XIRP2: variants seen among roughly 807,000 people sequenced by gnomAD.
XIRP2 encodes xin actin binding repeat containing 2.
In XIRP2, 236 loss-of-function variants were observed where a neutral mutation model predicts 277.0. The ratio of observed to expected loss-of-function variants is 0.85; its 90% CI spans 0.77 to 0.95. The LOEUF is 0.95. Among genes scored for constraint, XIRP2 ranks in the 40% least tolerant of loss-of-function variants. XIRP2 has a pLI of 0.00. For synonymous variants in XIRP2, 1,490 were observed against 1,416.5 expected (o/e 1.05, Z -1.17); for missense variants, 4,640 against 4,157.5 (o/e 1.12, Z -3.19).
intron 1 of XIRP2, among the ~76,000 whole-genome samples, chr2:166,899,569 T>C (rs1169603268): frequency 3.3e-5 from 5 of 152,126 alleles, no homozygotes; most frequent in Non-Finnish European, 7.4e-5. Flanking sequence ...AACAAATTAT[T>C]CTTAGTTTTC....
intron 4 of XIRP2, among the ~76,000 whole-genome samples, chr2:167,214,845 G>A (rs1694197422): frequency 6.6e-6 from 1 of 152,066 alleles, no homozygotes. Context: ...AGGATTACAG[G>A]CATGAGACAC....
chr2:166,893,441 G>T (rs141058926), intron 1 of XIRP2, among the ~76,000 whole-genome samples: 2 of 151,944 alleles, frequency 1.3e-5, no homozygotes, highest in Non-Finnish European at 2.9e-5. Context: ...TCCTTTCTGC[G>T]TATCTCTTTA....
intron 5 of XIRP2, among the ~76,000 whole-genome samples, chr2:167,221,397 T>A (rs1033873179): frequency 6.8e-6 from 1 of 147,154 alleles, no homozygotes; most frequent in Admixed American, 6.9e-5. Context: ...GAGGTGAAGA[T>A]TGCGGTGAGC....
At chr2:167,106,195 A>G (rs1690613306) in intron 2 of XIRP2, among the ~76,000 whole-genome samples, 1 of 151,644 alleles carries the variant, frequency 6.6e-6, no homozygotes, top group African/African-American at 2.4e-5. Context: ...AAAAGTATCA[A>G]TGTTCATTTT....
At chr2:167,145,309 T>C (rs1357970454) in intron 3 of XIRP2, among the ~76,000 whole-genome samples, 1 of 152,086 alleles carries the variant, frequency 6.6e-6, no homozygotes, top group Non-Finnish European at 1.5e-5. Flanking sequence ...GTCCAAAAAT[T>C]TTCCCCACCA....
chr2:167,200,006 T>G (rs1242828420), intron 3 of XIRP2, among the ~76,000 whole-genome samples: 1 of 152,144 alleles, frequency 6.6e-6, no homozygotes, highest in East Asian at 1.9e-4. Flanking sequence ...GATATGAAAT[T>G]TTTGGATTTT....
At chr2:166,917,542 G>A (rs1684922560) in intron 2 of XIRP2, among the ~76,000 whole-genome samples, 1 of 151,970 alleles carries the variant, frequency 6.6e-6, no homozygotes, top group Non-Finnish European at 1.5e-5. Flanking sequence ...TATTTGCATG[G>A]CCTTTAAGAC....
At chr2:167,010,960 G>C (rs1239340651) in intron 2 of XIRP2, among the ~76,000 whole-genome samples, 1 of 152,136 alleles carries the variant, frequency 6.6e-6, no homozygotes, top group East Asian at 1.9e-4. Context: ...ATCAGCTTAA[G>C]GAGATTTTGG....
At chr2:167,131,400 T>A (rs1691372156) in intron 2 of XIRP2, among the ~76,000 whole-genome samples, 1 of 152,172 alleles carries the variant, frequency 6.6e-6, no homozygotes, top group Non-Finnish European at 1.5e-5. Context: ...CTCTCTCAAG[T>A]TACTGCTCTA....
At chr2:167,155,578 G>A (rs1692170198) in intron 3 of XIRP2, among the ~76,000 whole-genome samples, 1 of 152,038 alleles carries the variant, frequency 6.6e-6, no homozygotes, top group South Asian at 2.1e-4. Context: ...AATAAATTAG[G>A]TATTGATGGG....
chr2:167,120,336 A>G (rs1368292890), intron 2 of XIRP2, among the ~76,000 whole-genome samples: 1 of 152,210 alleles, frequency 6.6e-6, no homozygotes, highest in African/African-American at 2.4e-5. Context: ...CTGTTCCTCC[A>G]TGGCACTGAG....
At chr2:167,223,280 G>A (rs1694486148) in intron 5 of XIRP2, among the ~76,000 whole-genome samples, 3 of 152,032 alleles carry the variant, frequency 2.0e-5, no homozygotes, top group African/African-American at 4.8e-5. Flanking sequence ...AGTAATAAGT[G>A]CAATCCAGTG....
At chr2:167,087,667 G>A (rs982070873) in intron 2 of XIRP2, among the ~76,000 whole-genome samples, 9 of 152,316 alleles carry the variant, frequency 5.9e-5, no homozygotes, top group South Asian at 4.1e-4. Context: ...TAAGCCGGTC[G>A]GAAAAGCGCA....
At chr2:166,983,850 T>A (rs1686933687) in intron 2 of XIRP2, among the ~76,000 whole-genome samples, 1 of 152,220 alleles carries the variant, frequency 6.6e-6, no homozygotes, top group Non-Finnish European at 1.5e-5. Context: ...ATGCTTTTAA[T>A]CGTGTATGCC....
chr2:167,235,910 C>G (rs1443750465), intron 5 of XIRP2, among the ~76,000 whole-genome samples: 2 of 152,018 alleles, frequency 1.3e-5, no homozygotes, highest in East Asian at 3.9e-4. Context: ...TGGTCACCCA[C>G]AAATTGCTAT....
intron 3 of XIRP2, among the ~76,000 whole-genome samples, chr2:167,189,770 T>A (rs1693271739): frequency 6.6e-6 from 1 of 152,136 alleles, no homozygotes; most frequent in Admixed American, 6.5e-5. Flanking sequence ...ATTCTCCAAC[T>A]CTCTGACACC....
intron 2 of XIRP2, among the ~76,000 whole-genome samples, chr2:167,007,996 G>A (rs1440165694): frequency 6.6e-6 from 1 of 151,344 alleles, no homozygotes; most frequent in Non-Finnish European, 1.5e-5. Flanking sequence ...TTCACTTTGT[G>A]CCTACTTTTG....
At position 167,247,360 on chromosome 2, in the gene XIRP2, T is replaced by A. The variant is rs1380136066; in HGVS notation, c.5968T>A (p.Trp1990Arg). ...KPGPFEPAAK[W>R]QGGADTLSQT... ...AGGTCCATTTGAGCCAGCGGCCAAG[T>A]GGCAAGGGGGAGCAGATACTCTCAG... is the stretch of plus-strand genomic sequence containing the variant. The change falls in exon 9 of 11, where the codon TGG becomes AGG. Residue 1990 changes from tryptophan to arginine, a missense_variant. Coordinates refer to ENST00000409195, the MANE Select transcript of XIRP2 (RefSeq NM_152381.6). The A allele has an allele frequency of 6.2e-7, 1 of 1,613,720 alleles. No individual in the cohort carries two copies. The highest frequency in any genetic ancestry group is 8.5e-7 in the Non-Finnish European group (1 of 1,179,810).
At chr2:167,029,540 A>T (rs1688271050) in intron 2 of XIRP2, among the ~76,000 whole-genome samples, 1 of 152,142 alleles carries the variant, frequency 6.6e-6, no homozygotes, top group African/African-American at 2.4e-5. Context: ...CCAGCCTTGC[A>T]TCCCAGGGAT....
Sources: allele counts gnomAD v4.1 joint callset (sites outside exome capture counted in the v4.1 genomes callset), GRCh38; gene constraint gnomAD v4.1.1; transcripts MANE v1.5; gene names NCBI Gene and HGNC (gene_info 2026-07-23, HGNC 2026-07-21).